Variants in SAMD3 observed in about 807,000 individuals in gnomAD.
SAMD3 encodes the protein sterile alpha motif domain containing 3.
In SAMD3, 63 loss-of-function variants were observed where a neutral mutation model predicts 58.5. That is an observed-to-expected ratio of 1.08 (90% CI 0.88 to 1.33). The LOEUF is 1.33. Among genes scored for constraint, SAMD3 ranks in the 40% most tolerant of loss-of-function variants. The pLI is 0.00. For missense variants in SAMD3, 604 were observed against 608.4 expected, an observed-to-expected ratio of 0.99 and a Z score of 0.08; for synonymous variants, 220 against 210.3, an observed-to-expected ratio of 1.05 and a Z score of -0.40.
At chr6:130,297,664 C>T (rs1026160389) in intron 2 of SAMD3, among the ~76,000 whole-genome samples, 1 of 152,180 alleles carries the variant, frequency 6.6e-6, no homozygotes, top group South Asian at 2.1e-4. Context: ...ATATAAAAGA[C>T]AAGACAGCTA....
At chr6:130,260,270 A>G (rs1260922005) in intron 2 of SAMD3, among the ~76,000 whole-genome samples, 1 of 152,234 alleles carries the variant, frequency 6.6e-6, no homozygotes, top group Non-Finnish European at 1.5e-5. Context: ...TGCCTGACCT[A>G]AGCCTGGTGG....
chr6:130,290,407 A>G (rs1775325627), intron 2 of SAMD3, among the ~76,000 whole-genome samples: 1 of 152,218 alleles, frequency 6.6e-6, no homozygotes, highest in Non-Finnish European at 1.5e-5. Flanking sequence ...GGCTTTGATT[A>G]ATTAGATGAG....
At chr6:130,322,558 C>A (rs897142660) in intron 1 of SAMD3, among the ~76,000 whole-genome samples, 8 of 152,158 alleles carry the variant, frequency 5.3e-5, no homozygotes, top group African/African-American at 1.9e-4. Flanking sequence ...ATCACTTGAA[C>A]TCGGGAGGCA....
intron 2 of SAMD3, among the ~76,000 whole-genome samples, chr6:130,268,087 G>A (rs1774427298): frequency 1.3e-5 from 2 of 152,138 alleles, no homozygotes; most frequent in Admixed American, 6.5e-5. Context: ...GGTGATGCTG[G>A]TGTAAACAAA....
intron 1 of SAMD3, among the ~76,000 whole-genome samples, chr6:130,320,856 G>A (rs1776561096): frequency 1.3e-5 from 2 of 152,144 alleles, no homozygotes; most frequent in Non-Finnish European, 2.9e-5. Context: ...TTCATCTTCT[G>A]TGCTTCTCTC....
At chr6:130,169,027 A>G (rs559008892) in intron 8 of SAMD3, among the ~76,000 whole-genome samples, 36 of 152,220 alleles carry the variant, frequency 2.4e-4, no homozygotes, top group Non-Finnish European at 4.3e-4. Context: ...GCTGGTTTCA[A>G]TATACGTGAC....
upstream of SAMD3, among the ~76,000 whole-genome samples, chr6:130,225,665 T>C (rs1288039628): frequency 6.6e-6 from 1 of 152,234 alleles, no homozygotes; most frequent in African/African-American, 2.4e-5. Context: ...ATTCTTTGAT[T>C]ACATATGGGA....
At chr6:130,220,146 C>T (rs550678490) in intron 1 of SAMD3, among the ~76,000 whole-genome samples, 162 of 152,148 alleles carry the variant, frequency 1.1e-3, no homozygotes, top group Middle Eastern at 0.01. Flanking sequence ...GGATTACAGA[C>T]GCGTGCCACC....
intron 2 of SAMD3, among the ~76,000 whole-genome samples, chr6:130,255,416 T>G (rs1215428186): frequency 6.6e-6 from 1 of 152,202 alleles, no homozygotes. Flanking sequence ...CTACTATTAT[T>G]GTATGCAATC....
At chr6:130,274,116 C>T (rs560723726) in intron 2 of SAMD3, among the ~76,000 whole-genome samples, 3 of 152,222 alleles carry the variant, frequency 2.0e-5, no homozygotes, top group East Asian at 3.9e-4. Flanking sequence ...CTAGGACAAT[C>T]TTTACCTCTC....
chr6:130,181,313 T>G (rs1375606927), intron 7 of SAMD3, among the ~76,000 whole-genome samples: 1 of 152,166 alleles, frequency 6.6e-6, no homozygotes, highest in Admixed American at 6.5e-5. Context: ...TTGTGCACCC[T>G]TTTTCTTTCT....
chr6:130,287,195 A>G (rs866327737), intron 2 of SAMD3, among the ~76,000 whole-genome samples: 3 of 152,324 alleles, frequency 2.0e-5, no homozygotes, highest in South Asian at 4.1e-4. Context: ...TCCTCCTAGA[A>G]ATCTTCCAAA....
At chr6:130,163,155 A>C (rs1043566921) in intron 8 of SAMD3, among the ~76,000 whole-genome samples, 2 of 152,204 alleles carry the variant, frequency 1.3e-5, no homozygotes, top group African/African-American at 4.8e-5. Context: ...TATGCAAAAA[A>C]AAAGAATGTA....
chr6:130,193,392 C>G (rs1247083209), intron 5 of SAMD3, among the ~76,000 whole-genome samples: 1 of 151,946 alleles, frequency 6.6e-6, no homozygotes, highest in Non-Finnish European at 1.5e-5. Context: ...CACCCCAATC[C>G]CTTATTTCCG....
downstream of SAMD3, chr6:130,144,284 T>C (rs938695859): frequency 1.8e-5 from 9 of 498,076 alleles, no homozygotes; most frequent in Non-Finnish European, 3.1e-5. Flanking sequence ...AACTGCGGAA[T>C]TTCTAAAAAC....
chr6:130,150,035 C>T (rs1057489466), intron 9 of SAMD3, among the ~76,000 whole-genome samples: 2 of 152,102 alleles, frequency 1.3e-5, no homozygotes, highest in Admixed American at 1.3e-4. Flanking sequence ...TTTAAGCCTA[C>T]GCACATGGTG....
chr6:130,147,078 CCTA>C (rs1788704890), intron 9 of SAMD3, among the ~76,000 whole-genome samples: 1 of 152,176 alleles, frequency 6.6e-6, no homozygotes, highest in African/African-American at 2.4e-5. Context: ...ACTACCCCAT[CCTA>C]CCACTGCCTG....
At chr6:130,221,354 C>T (rs921939876) in intron 1 of SAMD3, among the ~76,000 whole-genome samples, 13 of 152,026 alleles carry the variant, frequency 8.6e-5, no homozygotes, top group Admixed American at 6.6e-5. Flanking sequence ...AGGAAAAACG[C>T]ATGTGTACAC....
intron 8 of SAMD3, among the ~76,000 whole-genome samples, chr6:130,174,242 C>A (rs1046952397): frequency 2.6e-5 from 4 of 152,220 alleles, no homozygotes; most frequent in African/African-American, 9.6e-5. Context: ...AGTCCTGCAG[C>A]TAGCTCAGTG....
Sources: allele counts gnomAD v4.1 joint callset (sites outside exome capture counted in the v4.1 genomes callset), GRCh38; gene constraint gnomAD v4.1.1; transcripts MANE v1.5; gene names NCBI Gene and HGNC (gene_info 2026-07-23, HGNC 2026-07-21).